The following TRAPPC6A variants were observed in gnomAD, a reference collection of about 807,000 sequenced individuals.
TRAPPC6A encodes the protein trafficking protein particle complex subunit 6A.
Under a neutral mutation model 20.8 loss-of-function variants are expected in TRAPPC6A, and 25 were observed. The observed-to-expected ratio is 1.20, with a 90% confidence interval of 0.88 to 1.68. TRAPPC6A has a LOEUF of 1.68. Ranked by LOEUF, TRAPPC6A falls within the 40% of genes most tolerant of loss-of-function variation. The probability of loss-of-function intolerance (pLI) is 0.00; values close to 1 mark genes in which losing one functional copy is unlikely to be tolerated. For missense variants in TRAPPC6A, 215 were observed against 211.6 expected (o/e 1.02, Z -0.10); for synonymous variants, 96 against 93.3 (o/e 1.03, Z -0.16).
chr19:45,164,801 C>T lies in TRAPPC6A; in HGVS notation c.270+52G>A, dbSNP rs908148450. The T allele has an allele frequency of 2.6e-6, 4 of 1,551,374 alleles. No individual in the cohort carries two copies. In the African/African-American group the frequency reaches 4.1e-5, roughly 16 times the overall value. On this transcript the variant is annotated intron_variant, in intron 3 of 5. Transcript: ENST00000585934. Reference sequence around the variant, plus strand: ...CGCCGGGGGATTCCCCTCCCACTCTCTTGGTCTTGCCCTCAGGAGGAAGCT... The same window carrying T: ...CGCCGGGGGATTCCCCTCCCACTCTTTTGGTCTTGCCCTCAGGAGGAAGCT...
Position 45,172,546 on chromosome 19 carries a change from C to G in TRAPPC6A, c.84+5589G>C, listed in dbSNP as rs536219333. Among the ~76,000 whole-genome samples, 23 of 151,764 alleles carry G rather than the reference C, an allele frequency of 1.5e-4. No homozygotes were observed. The highest frequency in any genetic ancestry group is 9.8e-4 in the Admixed American group (15 of 15,282). On this transcript the variant is annotated intron_variant, in intron 1 of 5. Transcript: ENST00000585934. This position sits in a 1 kb window ranked among gnomAD's most constrained non-coding sequence, Gnocchi z 4.2. ...GGAGCAGCCCTGGTTAAGAAAAGCA[C>G]ACAGACAGAAGTGCTGGCACACAGA... is the stretch of plus-strand genomic sequence containing the variant.
At chr19:45,169,427 G>A (rs922649188) in intron 1 of TRAPPC6A, among the ~76,000 whole-genome samples, 1 of 152,202 alleles carries the variant, frequency 6.6e-6, no homozygotes, top group Non-Finnish European at 1.5e-5. Flanking sequence ...CTCCCAAGTA[G>A]CTGGGACTAC....
chr19:45,164,592 G>C (rs1402980922), intron 3 of TRAPPC6A: 2 of 585,552 alleles, frequency 3.4e-6, no homozygotes, highest in Non-Finnish European at 6.1e-6. Flanking sequence ...ACTGGGGGTA[G>C]GGCAGGCAGC....
chr19:45,167,430 A>G (rs1035859615), intron 1 of TRAPPC6A, among the ~76,000 whole-genome samples: 2 of 152,224 alleles, frequency 1.3e-5, no homozygotes, highest in African/African-American at 2.4e-5. Flanking sequence ...AATAAATGTG[A>G]GCTATACATA....
Position 45,166,640 on chromosome 19 carries a change from C to G in TRAPPC6A, c.85-1446G>C, listed in dbSNP as rs139756504. 3.1e-3 allele frequency among the ~76,000 whole-genome samples: 472 copies of G among 151,988 alleles called. 2 individuals carry two copies. The highest frequency in any genetic ancestry group is 0.011 in the African/African-American group (441 of 41,488). On this transcript the variant is annotated intron_variant, in intron 1 of 5. Transcript: ENST00000585934. ...GAGGCGCCAGGTTTTTCAGAGAAAG[C>G]CTGGCAGAGCAGAAGTGGGGGAACA...
rs945516252 is a variant in TRAPPC6A at position 45,164,006 on chromosome 19, G to A, written c.358C>T (p.Leu120=). The change falls in exon 5 of 6, where the codon CTG becomes TTG. Residue 120 remains leucine (L), a synonymous_variant. Coordinates refer to ENST00000585934, the MANE Select transcript of TRAPPC6A (RefSeq NM_001270891.2). ...LQYLEEAPKF[L]AFTCGLLRGA... ...CGCAGGAGGCCGCAGGTGAAGGCCAGGAACTGAGGAGGGAACACAGACCAG... is the reference window on the plus strand; with the variant it reads ...CGCAGGAGGCCGCAGGTGAAGGCCAAGAACTGAGGAGGGAACACAGACCAG... The A allele has an allele frequency of 1.3e-6, 2 of 1,571,162 alleles. No homozygotes were observed. The highest frequency in any genetic ancestry group is 1.7e-6 in the Non-Finnish European group (2 of 1,157,932).
chr19:45,177,607 G>A (rs1015551175), intron 1 of TRAPPC6A, among the ~76,000 whole-genome samples: 1 of 152,164 alleles, frequency 6.6e-6, no homozygotes, highest in Non-Finnish European at 1.5e-5. Flanking sequence ...GGGAGCTACA[G>A]CGCCCAGCCG....
chr19:45,176,358 G>T (rs1486134460), intron 1 of TRAPPC6A, among the ~76,000 whole-genome samples: 1 of 151,940 alleles, frequency 6.6e-6, no homozygotes, highest in African/African-American at 2.4e-5. Context: ...CAACTACTCA[G>T]GAGGCTGCGG....
chr19:45,174,254 G>GT (rs921534852), intron 1 of TRAPPC6A, among the ~76,000 whole-genome samples: 5 of 152,134 alleles, frequency 3.3e-5, no homozygotes, highest in African/African-American at 1.2e-4. Context: ...GAAATCAAGA[G>GT]TGAGAAGCCA....
intron 1 of TRAPPC6A, among the ~76,000 whole-genome samples, chr19:45,177,402 A>T (rs201919916): frequency 6.6e-6 from 1 of 151,416 alleles, no homozygotes; most frequent in Non-Finnish European, 1.5e-5. Flanking sequence ...GTGCAATGGC[A>T]CAATCTTGGC....
At chr19:45,167,625 G>A (rs1969183665) in intron 1 of TRAPPC6A, among the ~76,000 whole-genome samples, 1 of 152,200 alleles carries the variant, frequency 6.6e-6, no homozygotes, top group Non-Finnish European at 1.5e-5. Flanking sequence ...TGGGATTACA[G>A]GCATGAGCCA....
intron 1 of TRAPPC6A, among the ~76,000 whole-genome samples, chr19:45,168,796 T>G (rs1599735084): frequency 6.6e-6 from 1 of 152,100 alleles, no homozygotes; most frequent in Non-Finnish European, 1.5e-5. Flanking sequence ...AGCACGGGAC[T>G]GTCTTTCACA....
chr19:45,175,092 T>C (rs1022724651), intron 1 of TRAPPC6A, among the ~76,000 whole-genome samples: 2 of 150,046 alleles, frequency 1.3e-5, no homozygotes, highest in Admixed American at 1.3e-4. Flanking sequence ...AAACTCTGTC[T>C]CTACTAAAAA....
At chr19:45,175,645 G>A (rs1969355323) in intron 1 of TRAPPC6A, among the ~76,000 whole-genome samples, 1 of 152,100 alleles carries the variant, frequency 6.6e-6, no homozygotes. Context: ...GCTGGGAGAA[G>A]GGAGCAGGCT....
In TRAPPC6A at chr19:45,164,896, G is replaced by A. The variant is rs780966582; in HGVS notation, c.227C>T (p.Ala76Val). The A allele has an allele frequency of 2.1e-5, 34 of 1,613,952 alleles. No homozygotes were observed. The highest frequency in any genetic ancestry group is 3.3e-4 in the Middle Eastern group (2 of 6,082). The part of the protein sequence containing the change: ...LKFLCKDLWV[A>V]VFQKQMDSLR... ...GCTGTCCATCTGCTTCTGGAACACC[G>A]CCACCCACAGGTCTTTGCACAAGAA... is the stretch of plus-strand genomic sequence containing the variant. The change falls in exon 3 of 6, where the codon GCG (alanine) becomes GTG (valine). Residue 76 changes from alanine (A) to valine (V), a missense_variant. Transcript: ENST00000585934.
chr19:45,167,954 T>C (rs1302790048), intron 1 of TRAPPC6A, among the ~76,000 whole-genome samples: 2 of 151,144 alleles, frequency 1.3e-5, no homozygotes, highest in Non-Finnish European at 2.9e-5. Flanking sequence ...GCCATGATCA[T>C]GCCACTGTAC....
intron 1 of TRAPPC6A, among the ~76,000 whole-genome samples, chr19:45,177,324 A>G (rs957100056): frequency 5.3e-5 from 8 of 151,266 alleles, no homozygotes; most frequent in Non-Finnish European, 1.0e-4. Context: ...CCTAGGCAAC[A>G]TGGCAAAACC....
chr19:45,174,128 G>A (rs889952950), intron 1 of TRAPPC6A, among the ~76,000 whole-genome samples: 2 of 152,146 alleles, frequency 1.3e-5, no homozygotes, highest in Non-Finnish European at 2.9e-5. Context: ...AGGCCTGGTC[G>A]CGCTCCTGAC....
chr19:45,177,280 G>A (rs2122868811), intron 1 of TRAPPC6A, among the ~76,000 whole-genome samples: 1 of 152,248 alleles, frequency 6.6e-6, no homozygotes. Context: ...GGCCCAGGCG[G>A]GAGAATCACT....
Sources: allele counts gnomAD v4.1 joint callset (sites outside exome capture counted in the v4.1 genomes callset), GRCh38; gene constraint gnomAD v4.1.1; non-coding constraint Gnocchi (gnomAD v3.1); transcripts MANE v1.5; gene names NCBI Gene and HGNC (gene_info 2026-07-23, HGNC 2026-07-21).